SERPINB1: variants seen among roughly 807,000 people sequenced by gnomAD.
The protein encoded by SERPINB1 is leukocyte elastase inhibitor.
Under a neutral mutation model 25.9 loss-of-function variants are expected in SERPINB1, and 23 were observed. The observed-to-expected ratio is 0.89, with a 90% CI of 0.64 to 1.26. The LOEUF (loss-of-function observed/expected upper bound fraction) is 1.26, where lower values mean the gene tolerates loss of function less well. Ranked by LOEUF, SERPINB1 falls within the 50% of genes most tolerant of loss-of-function variation. SERPINB1 has a pLI of 0.00. For missense variants in SERPINB1, 399 were observed against 463.6 expected, an observed-to-expected ratio of 0.86 and a Z score of 1.28; for synonymous variants, 178 against 178.7, an observed-to-expected ratio of 1.00 and a Z score of 0.03.
chr6:2,836,435 G>A (rs1350887896), intron 4 of SERPINB1, among the ~76,000 whole-genome samples, 185 bp from the exon 5 acceptor site: 3 of 152,030 alleles, frequency 2.0e-5, no homozygotes, highest in Non-Finnish European at 4.4e-5. Flanking sequence ...ACAACCTGTG[G>A]GGCAGACAGA....
intron 3 of SERPINB1, 94 bp downstream of exon 3, chr6:2,838,455 A>G: frequency 8.3e-7 from 1 of 1,198,258 alleles, no homozygotes. Context: ...CTGAAAGTTT[A>G]CAAATATTAA....
At position 2,841,153 on chromosome 6, in the gene SERPINB1, G is replaced by T. The variant is rs1017050683; in HGVS notation, c.-8-559C>A. The T allele has an allele frequency of 6.6e-6, 1 of 152,200 alleles. No individual in the cohort carries two copies. Among genetic ancestry groups the T allele is most frequent in the Non-Finnish European group, 1.5e-5 (1 of 68,072 alleles). 9.4% of individuals were successfully genotyped at this position (152,200 alleles called of 1,614,324 possible). The stretch of plus-strand genomic sequence containing the variant: ...TCTTCCTTATTTTTGAGGTTCAAAA[G>T]GTATGAGGTCCAGTGCCCACAGTCT... On this transcript the variant is annotated intron_variant, in intron 1 of 6. Coordinates refer to ENST00000380739, the MANE Select transcript of SERPINB1 (RefSeq NM_030666.4). This position sits in a 1 kb window ranked among gnomAD's most constrained non-coding sequence, Gnocchi z 4.5.
At position 2,839,984 on chromosome 6, in the gene SERPINB1, C is replaced by G. The variant is rs976838958; in HGVS notation, c.168+435G>C. On this transcript the variant is annotated intron_variant, in intron 2 of 6. Transcript: ENST00000380739. ...CCACTATCTCCACTATAATGCATTC[C>G]CTATGTCTTATTCCTCTCATTATGC... 2.0e-5 allele frequency among the ~76,000 whole-genome samples: 3 copies of G among 152,292 alleles called. No homozygotes were observed. In the East Asian group the frequency reaches 5.8e-4, roughly 29 times the overall value.
intron 6 of SERPINB1, among the ~76,000 whole-genome samples, chr6:2,835,118 C>T (rs1766447151): frequency 6.6e-6 from 1 of 152,156 alleles, no homozygotes; most frequent in Admixed American, 6.5e-5. Flanking sequence ...AGACCCCCTT[C>T]CTGATAGCAA....
Position 2,837,953 on chromosome 6 carries a change from C to T in SERPINB1, c.353G>A (p.Ser118Asn). The change falls in exon 4 of 7, where the codon AGT becomes AAT. Residue 118 changes from serine to asparagine, a missense_variant. Coordinates refer to ENST00000380739, the MANE Select transcript of SERPINB1 (RefSeq NM_030666.4). This position sits in a 1 kb window ranked among gnomAD's most constrained non-coding sequence, Gnocchi z 4.3. ...TQKTYGADLA[S>N]VDFQHASEDA... ...TTCAGAGGCATGCTGAAAATCCACA[C>T]TGGCCAGGTCAGCACCATATGTTTT... 1 of 1,614,114 alleles carries T rather than the reference C, an allele frequency of 6.2e-7. No individual in the cohort carries two copies. The highest frequency in any genetic ancestry group is 1.1e-5 in the South Asian group (1 of 91,080).
At chr6:2,834,268 C>T (rs766044872) in intron 6 of SERPINB1, among the ~76,000 whole-genome samples, 2 of 152,006 alleles carry the variant, frequency 1.3e-5, no homozygotes, top group African/African-American at 4.8e-5. Flanking sequence ...CCCACCCATC[C>T]ACCCATCCAT....
chr6:2,841,563 C>T lies in SERPINB1; in HGVS notation c.-9+249G>A, dbSNP rs568188358. On this transcript the variant is annotated intron_variant, in intron 1 of 6. Coordinates refer to ENST00000380739, the MANE Select transcript of SERPINB1 (RefSeq NM_030666.4). The surrounding 1 kb of genome is among the most constrained non-coding windows in gnomAD (Gnocchi z 4.5). ...TCCGCCTGCATCTGTCGTCCTCCCT[C>T]CCTCCCTCCCTCGCGGGCTGGCCCG... The T allele has an allele frequency of 1.3e-5, 2 of 152,694 alleles. No homozygotes were observed. The highest frequency in any genetic ancestry group is 4.8e-5 in the African/African-American group (2 of 41,596). 9.5% of individuals were successfully genotyped at this position (152,694 alleles called of 1,614,324 possible). A position where few individuals can be genotyped will look rare whatever the true frequency, so the allele number is the denominator to read the frequency against.
intron 4 of SERPINB1, 69 bp from the exon 5 acceptor site, chr6:2,836,319 T>G: frequency 2.1e-6 from 3 of 1,435,698 alleles, no homozygotes; most frequent in African/African-American, 1.4e-5. Flanking sequence ...GACAATATAT[T>G]AGCACGGAAA....
At position 2,833,069 on chromosome 6, in the gene SERPINB1, G is replaced by C. The variant is rs72846633; in HGVS notation, c.*539C>G. On this transcript the variant is annotated 3_prime_UTR_variant, in exon 7 of 7. Coordinates refer to ENST00000380739, the MANE Select transcript of SERPINB1 (RefSeq NM_030666.4). ...CTTTAATTGAAGAGTCTAAAAACTA[G>C]AGGTCTGTAACAGAATACTAATCCT... The C allele has an allele frequency of 0.011, 1,647 of 152,500 alleles. 16 individuals carry two copies. Among genetic ancestry groups the C allele is most frequent in the Non-Finnish European group, 0.017 (1,161 of 68,184 alleles). 9.4% of individuals were successfully genotyped at this position (152,500 alleles called of 1,614,324 possible).
chr6:2,838,240 T>A (rs1429566523), intron 3 of SERPINB1, among the ~76,000 whole-genome samples: 1 of 152,204 alleles, frequency 6.6e-6, no homozygotes, highest in Non-Finnish European at 1.5e-5. Context: ...ATACTGTTGT[T>A]GTTATATAGA....
rs990310000 is a variant in SERPINB1, at chr6:2,841,634, G to C, written c.-9+178C>G. 1 of 152,276 alleles carries C rather than the reference G, an allele frequency of 6.6e-6. No homozygotes were observed. The highest frequency in any genetic ancestry group is 2.4e-5 in the African/African-American group (1 of 41,390). The allele number at this position is 152,276 out of a possible 1,614,324, so 9.4% of individuals were successfully genotyped here. Reference sequence around the variant, plus strand: ...GGGGGATCAGAGGTCGTCTGTCTCCGTCGGGGCGCCCGGAAGGGATGGGGG... The same window carrying C: ...GGGGGATCAGAGGTCGTCTGTCTCCCTCGGGGCGCCCGGAAGGGATGGGGG... On this transcript the variant is annotated intron_variant, in intron 1 of 6. Transcript: ENST00000380739. This position sits in a 1 kb window ranked among gnomAD's most constrained non-coding sequence, Gnocchi z 4.5.
chr6:2,836,356 T>A, intron 4 of SERPINB1, 106 bp from the exon 5 acceptor site: 1 of 1,190,778 alleles, frequency 8.4e-7, no homozygotes, highest in Non-Finnish European at 1.1e-6. Context: ...AATTTCTACT[T>A]AATTTTCATT....
chr6:2,840,483 ATGC>A lies in SERPINB1; in HGVS notation c.101_103del (p.Ser34del). ...AAAAACCATGGCCATAGCAGATGAA[ATGC>A]TGAAGGGAGAGATGAAGATGTTTCC... On this transcript the variant is annotated inframe_deletion, in exon 2 of 7. Coordinates refer to ENST00000380739, the MANE Select transcript of SERPINB1 (RefSeq NM_030666.4). 6.2e-7 allele frequency: 1 copy of A among 1,614,184 alleles called. No individual in the cohort carries two copies. Among genetic ancestry groups the A allele is most frequent in the South Asian group, 1.1e-5 (1 of 91,078 alleles).
rs1241338573 is a variant in SERPINB1, at chr6:2,835,855, C to A, written c.735+1G>T. The A allele has an allele frequency of 1.2e-6, 2 of 1,611,056 alleles. No individual in the cohort carries two copies. On this transcript the variant is annotated splice_donor_variant, in intron 6 of 6. Coordinates refer to ENST00000380739, the MANE Select transcript of SERPINB1 (RefSeq NM_030666.4). LOFTEE classifies it high-confidence loss of function. ...CAAAGCATGAAGCCCAGGAGCCATA[C>A]CTTCTTCAGGCCCGTGGACTCGTCC...
intron 6 of SERPINB1, among the ~76,000 whole-genome samples, chr6:2,835,285 ACTAT>A (rs1203101859): frequency 1.3e-5 from 2 of 152,184 alleles, no homozygotes; most frequent in African/African-American, 4.8e-5. Context: ...AATTTAATTC[ACTAT>A]CTATATGAAT....
intron 2 of SERPINB1, chr6:2,839,499 G>GTTT: frequency 8.2e-6 from 7 of 858,570 alleles, no homozygotes; most frequent in Non-Finnish European, 8.4e-6. Flanking sequence ...AGTAACAGAG[G>GTTT]TTTTTTTTTT....
rs974793425 is a variant in SERPINB1, at chr6:2,837,244, A to G, written c.424+638T>C. ...TTTTAATTCCTTTTTTGCTGTATTCAGTGTTGGTTTTAACTTTATTTTTTA... is the reference window on the plus strand; with the variant it reads ...TTTTAATTCCTTTTTTGCTGTATTCGGTGTTGGTTTTAACTTTATTTTTTA... On this transcript the variant is annotated intron_variant, in intron 4 of 6. Transcript: ENST00000380739. This position sits in a 1 kb window ranked among gnomAD's most constrained non-coding sequence, Gnocchi z 4.3. 3.9e-5 allele frequency among the ~76,000 whole-genome samples: 6 copies of G among 152,050 alleles called. No individual in the cohort carries two copies. Among genetic ancestry groups the G allele is most frequent in the African/African-American group, 1.4e-4 (6 of 41,394 alleles).
chr6:2,835,918 C>T lies in SERPINB1; in HGVS notation c.673G>A (p.Glu225Lys). Reference sequence around the variant, plus strand: ...GGCAGCAGGATGACCATGCTGAGCTCCTCGCCTTGGTAAGGCAGTTCCAGC... The same window carrying T: ...GGCAGCAGGATGACCATGCTGAGCTTCTCGCCTTGGTAAGGCAGTTCCAGC... Reference protein sequence around the residue: ...RVLELPYQGEELSMVILLPDD... With the variant: ...RVLELPYQGEKLSMVILLPDD... Residue 225 changes from glutamate (E) to lysine (K), a missense_variant, in exon 6 of 7, where the codon GAG (glutamate) becomes AAG (lysine). Glu to Lys is a moderately conservative substitution (Grantham distance 56). Coordinates refer to ENST00000380739, the MANE Select transcript of SERPINB1 (RefSeq NM_030666.4). 6.2e-7 allele frequency: 1 copy of T among 1,614,168 alleles called. No homozygotes were observed. Among genetic ancestry groups the T allele is most frequent in the Non-Finnish European group, 8.5e-7 (1 of 1,180,028 alleles).
At chr6:2,839,499 G>A in intron 2 of SERPINB1, 1 of 858,836 alleles carries the variant, frequency 1.2e-6, no homozygotes, top group Non-Finnish European at 1.4e-6. Context: ...AGTAACAGAG[G>A]TTTTTTTTTT....
Sources: gnomAD v4.1 joint callset for allele counts (sites outside exome capture counted in the v4.1 genomes callset) on GRCh38, gnomAD v4.1.1 for gene constraint, Gnocchi (gnomAD v3.1) non-coding constraint, MANE v1.5 for transcripts, NCBI Gene and HGNC (gene_info 2026-07-23, HGNC 2026-07-21) for gene names.